BTBD7: variants seen among roughly 807,000 people sequenced by gnomAD.
The protein encoded by BTBD7 is BTB domain containing 7.
A neutral mutation model predicts 99.9 loss-of-function variants in BTBD7; 38 were observed. That is an observed-to-expected ratio of 0.38 (90% CI 0.29 to 0.50). The LOEUF is 0.50. Ranked by LOEUF, BTBD7 falls within the 20% of genes least tolerant of loss-of-function variation. BTBD7 has a pLI of 0.93. For synonymous variants in BTBD7, 520 were observed against 511.4 expected, an observed-to-expected ratio of 1.02 and a Z score of -0.23; for missense variants, 1,170 against 1,394.6, an observed-to-expected ratio of 0.84 and a Z score of 2.57.
intron 1 of BTBD7, among the ~76,000 whole-genome samples, chr14:93,301,788 A>T (rs984500418): frequency 1.3e-5 from 2 of 152,188 alleles, no homozygotes; most frequent in South Asian, 2.1e-4. Context: ...CAACATTGTT[A>T]TAACAGACCA....
intron 3 of BTBD7, among the ~76,000 whole-genome samples, chr14:93,285,397 TAC>T (rs2052765260): frequency 6.6e-6 from 1 of 152,206 alleles, no homozygotes; most frequent in Admixed American, 6.5e-5. Flanking sequence ...GCAAATGCAT[TAC>T]AGAGTCCATT....
intron 1 of BTBD7, among the ~76,000 whole-genome samples, chr14:93,330,236 C>A (rs2053386592): frequency 6.6e-6 from 1 of 152,214 alleles, no homozygotes; most frequent in Non-Finnish European, 1.5e-5. Flanking sequence ...AGCACTCAAA[C>A]TCTTCTACAG....
chr14:93,313,649 C>CT (rs1312378187), intron 1 of BTBD7, among the ~76,000 whole-genome samples: 2 of 150,798 alleles, frequency 1.3e-5, no homozygotes, highest in Non-Finnish European at 2.9e-5. Flanking sequence ...AGGAAAGTAT[C>CT]TGAATTTTTG....
rs1410000011 is a variant in BTBD7, at chr14:93,242,164, G to A, written c.*109C>T. 2 of 975,512 alleles carry A rather than the reference G, an allele frequency of 2.1e-6. No homozygotes were observed. Among genetic ancestry groups the A allele is most frequent in the Admixed American group, 2.6e-5 (1 of 38,214 alleles). 60.4% of individuals were successfully genotyped at this position (975,512 alleles called of 1,614,324 possible). On this transcript the variant is annotated 3_prime_UTR_variant, in exon 11 of 11. Coordinates refer to ENST00000334746, the MANE Select transcript of BTBD7 (RefSeq NM_001002860.4). Reference sequence around the variant, plus strand: ...TACACAAAAACTAGAACAAAATCATGTGAAACCGAGTTATCAGCTGGCATT... The same window carrying A: ...TACACAAAAACTAGAACAAAATCATATGAAACCGAGTTATCAGCTGGCATT...
intron 1 of BTBD7, among the ~76,000 whole-genome samples, chr14:93,327,884 T>C (rs559314347): frequency 6.6e-6 from 1 of 152,218 alleles, no homozygotes; most frequent in Admixed American, 6.5e-5. Context: ...ACAAAAAAGA[T>C]TCCACACACA....
chr14:93,297,494 T>A (rs139004883), intron 1 of BTBD7, among the ~76,000 whole-genome samples: 7 of 152,318 alleles, frequency 4.6e-5, no homozygotes, highest in Non-Finnish European at 1.0e-4. Context: ...GGCTAATATT[T>A]GTATTTTTAG....
chr14:93,330,355 T>C (rs1247284377), intron 1 of BTBD7, among the ~76,000 whole-genome samples: 1 of 152,188 alleles, frequency 6.6e-6, no homozygotes, highest in Non-Finnish European at 1.5e-5. Context: ...CCTAAGCTAA[T>C]CTTCACTTTA....
At chr14:93,271,833 T>C (rs578028246) in intron 3 of BTBD7, among the ~76,000 whole-genome samples, 4 of 151,588 alleles carry the variant, frequency 2.6e-5, no homozygotes, top group South Asian at 4.2e-4. Context: ...TGGTGAAACC[T>C]TGTCTCTACA....
chr14:93,330,487 T>C (rs1319801928), intron 1 of BTBD7, among the ~76,000 whole-genome samples: 1 of 152,202 alleles, frequency 6.6e-6, no homozygotes, highest in Non-Finnish European at 1.5e-5. Flanking sequence ...CACTCATCTC[T>C]CTCTACCCTG....
intron 3 of BTBD7, among the ~76,000 whole-genome samples, chr14:93,283,191 C>T (rs1318681903): frequency 2.0e-5 from 3 of 152,168 alleles, no homozygotes; most frequent in African/African-American, 7.2e-5. Context: ...TATGCTCCCA[C>T]CTCAGCCTCC....
At chr14:93,276,327 G>C (rs751657267) in intron 3 of BTBD7, among the ~76,000 whole-genome samples, 1 of 152,104 alleles carries the variant, frequency 6.6e-6, no homozygotes, top group Non-Finnish European at 1.5e-5. Context: ...TACATTTTAG[G>C]TTATGTTCTG....
chr14:93,302,838 G>A (rs2053021169), intron 1 of BTBD7, among the ~76,000 whole-genome samples: 1 of 151,904 alleles, frequency 6.6e-6, no homozygotes, highest in South Asian at 2.1e-4. Context: ...GAGTGAGACT[G>A]TCTCAAAAAC....
At position 93,239,588 on chromosome 14, in the gene BTBD7, G is replaced by A. The variant is rs1234786773; in HGVS notation, c.*2685C>T. On this transcript the variant is annotated 3_prime_UTR_variant, in exon 11 of 11. Transcript: ENST00000334746. Reference sequence around the variant, plus strand: ...CTACCCTAGTAACCATACTTCACAAGATACATTAAAAGTCCACTAACACCT... The same window carrying A: ...CTACCCTAGTAACCATACTTCACAAAATACATTAAAAGTCCACTAACACCT... The A allele has an allele frequency of 1.3e-5, 2 of 152,262 alleles. No homozygotes were observed. The highest frequency in any genetic ancestry group is 2.4e-5 in the African/African-American group (1 of 41,302). 9.4% of individuals were successfully genotyped at this position (152,262 alleles called of 1,614,324 possible).
In BTBD7 at chr14:93,238,304, T is replaced by C. The variant is rs1428412066; in HGVS notation, c.*3969A>G. 2 of 152,502 alleles carry C rather than the reference T, an allele frequency of 1.3e-5. No individual in the cohort carries two copies. The highest frequency in any genetic ancestry group is 2.9e-5 in the Non-Finnish European group (2 of 68,040). 9.4% of individuals were successfully genotyped at this position (152,502 alleles called of 1,614,324 possible). A position where few individuals can be genotyped will look rare whatever the true frequency, so the allele number is the denominator to read the frequency against. On this transcript the variant is annotated 3_prime_UTR_variant, in exon 11 of 11. Coordinates refer to ENST00000334746, the MANE Select transcript of BTBD7 (RefSeq NM_001002860.4). ...CAAAAGGATAACTACATAACAGATATGACAATCTACAGGACAAAAAGACAA... is the reference window on the plus strand; with the variant it reads ...CAAAAGGATAACTACATAACAGATACGACAATCTACAGGACAAAAAGACAA...
Position 93,257,055 on chromosome 14 carries a change from A to G in BTBD7, c.1608+140T>C, listed in dbSNP as rs984947032. On this transcript the variant is annotated intron_variant, in intron 6 of 10. Transcript: ENST00000334746. ...AGACACAGGAGATACAACATCGTAC[A>G]CAATAGACATCTGTCTCTGTCCTCA... The G allele has an allele frequency of 3.7e-6, 3 of 807,660 alleles. No homozygotes were observed. In the East Asian group the frequency reaches 7.9e-5, roughly 21 times the overall value. The allele number at this position is 807,660 out of a possible 1,614,324, so 50.0% of individuals were successfully genotyped here.
chr14:93,273,840 T>C (rs1302501964), intron 3 of BTBD7, among the ~76,000 whole-genome samples: 2 of 151,966 alleles, frequency 1.3e-5, no homozygotes, highest in African/African-American at 4.8e-5. Context: ...GAGGAAAGAG[T>C]GTAGGCACCT....
intron 3 of BTBD7, among the ~76,000 whole-genome samples, chr14:93,291,001 T>G (rs530877872): frequency 0.01 from 1,487 of 145,340 alleles, 16 homozygotes; most frequent in South Asian, 0.057. Flanking sequence ...TTTTTTTTTT[T>G]TTTTTTTTTT....
rs2052197361 is a variant in BTBD7, at chr14:93,239,521, T to C, written c.*2752A>G. On this transcript the variant is annotated 3_prime_UTR_variant, in exon 11 of 11. Transcript: ENST00000334746. ...TCTTAGTACAGCATTAAAAAAGATTTAATAGATGGGTTCAAAAGCCAGAGG... is the reference window on the plus strand; with the variant it reads ...TCTTAGTACAGCATTAAAAAAGATTCAATAGATGGGTTCAAAAGCCAGAGG... 6.6e-6 allele frequency: 1 copy of C among 152,332 alleles called. No individual in the cohort carries two copies. The highest frequency in any genetic ancestry group is 6.6e-5 in the Admixed American group (1 of 15,238). The allele number at this position is 152,332 out of a possible 1,614,324, so 9.4% of individuals were successfully genotyped here.
chr14:93,293,452 A>T (rs1334555483), intron 3 of BTBD7, among the ~76,000 whole-genome samples: 2 of 152,208 alleles, frequency 1.3e-5, no homozygotes, highest in African/African-American at 4.8e-5. Context: ...TCATTTTTGT[A>T]ATGAATTTTT....
Sources: gnomAD v4.1 joint callset for allele counts (sites outside exome capture counted in the v4.1 genomes callset) on GRCh38, gnomAD v4.1.1 for gene constraint, MANE v1.5 for transcripts, NCBI Gene and HGNC (gene_info 2026-07-23, HGNC 2026-07-21) for gene names.